The following RAPH1 variants were observed in gnomAD, a reference collection of about 807,000 sequenced individuals.
The protein encoded by RAPH1 is ras-associated and pleckstrin homology domains-containing protein 1.
In RAPH1, 18 loss-of-function variants were observed where a neutral mutation model predicts 88.1. The observed-to-expected ratio is 0.20, with a 90% CI of 0.14 to 0.30. The LOEUF is 0.30. RAPH1 is among the 10% of genes least tolerant of loss of function. RAPH1 has a pLI of 1.00. For missense variants in RAPH1, 1,448 were observed against 1,543.2 expected, an observed-to-expected ratio of 0.94 and a Z score of 1.03; for synonymous variants, 587 against 559.0, an observed-to-expected ratio of 1.05 and a Z score of -0.71.
intron 1 of RAPH1, among the ~76,000 whole-genome samples, chr2:203,516,129 T>G (rs546062755): frequency 6.6e-6 from 1 of 152,272 alleles, no homozygotes; most frequent in African/African-American, 2.4e-5. Flanking sequence ...AGAGAGGAAT[T>G]CATATTTTGT....
At chr2:203,445,289 C>CA (rs2153635395) in intron 12 of RAPH1, 1 of 311,900 alleles carries the variant, frequency 3.2e-6, no homozygotes, top group South Asian at 8.8e-5. Context: ...TCCTGACACC[C>CA]AGTCTTGCAT....
intron 1 of RAPH1, among the ~76,000 whole-genome samples, chr2:203,533,869 T>C (rs556266193): frequency 6.6e-6 from 1 of 152,068 alleles, no homozygotes; most frequent in East Asian, 1.9e-4. Context: ...TCTGGGGAGG[T>C]AAACAGGTGG....
At position 203,434,697 on chromosome 2, in the gene RAPH1, A is replaced by G. The variant is rs954395491; in HGVS notation, c.*4740T>C. The G allele has an allele frequency of 6.6e-6, 1 of 152,432 alleles. No homozygotes were observed. Among genetic ancestry groups the G allele is most frequent in the Admixed American group, 6.5e-5 (1 of 15,278 alleles). 9.4% of individuals were successfully genotyped at this position (152,432 alleles called of 1,614,324 possible). A position where few individuals can be genotyped will look rare whatever the true frequency, so the allele number is the denominator to read the frequency against. On this transcript the variant is annotated 3_prime_UTR_variant, in exon 14 of 14. Coordinates refer to ENST00000319170, the MANE Select transcript of RAPH1 (RefSeq NM_213589.3). Reference sequence around the variant, plus strand: ...GGTTTCTCCCCCTTTAGTGCTGCAGACAAGTTTTACTGCCTAAGACGTTGA... The same window carrying G: ...GGTTTCTCCCCCTTTAGTGCTGCAGGCAAGTTTTACTGCCTAAGACGTTGA...
At chr2:203,501,175 A>G (rs953575519) in intron 1 of RAPH1, among the ~76,000 whole-genome samples, 1 of 152,206 alleles carries the variant, frequency 6.6e-6, no homozygotes, top group African/African-American at 2.4e-5. Flanking sequence ...TAAATTTAGT[A>G]AGGCACAAAA....
At chr2:203,472,127 C>CT (rs531692694) in intron 4 of RAPH1, among the ~76,000 whole-genome samples, 3,749 of 140,364 alleles carry the variant, frequency 0.027, 80 homozygotes, top group African/African-American at 0.06. Flanking sequence ...TTCTTTAGTT[C>CT]TTTTTTTTTT....
intron 1 of RAPH1, among the ~76,000 whole-genome samples, chr2:203,515,075 C>T (rs1453878205): frequency 6.6e-6 from 1 of 152,096 alleles, no homozygotes; most frequent in Non-Finnish European, 1.5e-5. Flanking sequence ...CCTAGGGGTA[C>T]AATACTCCAG....
rs2098500869 is a variant in RAPH1 at position 203,439,202 on chromosome 2, GA to G, written c.*234del. On this transcript the variant is annotated 3_prime_UTR_variant, in exon 14 of 14. Coordinates refer to ENST00000319170, the MANE Select transcript of RAPH1 (RefSeq NM_213589.3). ...GATTAGGAGAGAAAAGGAATAAATA[GA>G]ATAACTCTCAGCTCTCTCTCTATAT... 2.3e-6 allele frequency: 1 copy of G among 438,986 alleles called. No homozygotes were observed. Among genetic ancestry groups the G allele is most frequent in the Non-Finnish European group, 4.1e-6 (1 of 245,488 alleles). The allele number at this position is 438,986 out of a possible 1,614,324, so 27.2% of individuals were successfully genotyped here. A position where few individuals can be genotyped will look rare whatever the true frequency, so the allele number is the denominator to read the frequency against.
rs1485654160 is a variant in RAPH1 at position 203,436,371 on chromosome 2, C to A, written c.*3066G>T. 1.3e-5 allele frequency: 2 copies of A among 152,090 alleles called. No homozygotes were observed. Among genetic ancestry groups the A allele is most frequent in the Non-Finnish European group, 2.9e-5 (2 of 68,022 alleles). The allele number at this position is 152,090 out of a possible 1,614,324, so 9.4% of individuals were successfully genotyped here. On this transcript the variant is annotated 3_prime_UTR_variant, in exon 14 of 14. Transcript: ENST00000319170. ...TCTGTAAAAACCTTAAGAATAGTTACTCTTCCCAAGAGAATTACAGCGTCT... is the reference window on the plus strand; with the variant it reads ...TCTGTAAAAACCTTAAGAATAGTTAATCTTCCCAAGAGAATTACAGCGTCT...
chr2:203,529,005 A>ATTTTTTTTTTTTTTTT (rs66832810), intron 1 of RAPH1, among the ~76,000 whole-genome samples: 1 of 41,154 alleles, frequency 2.4e-5, no homozygotes, highest in African/African-American at 1.2e-4. Flanking sequence ...ATATATATAT[A>ATTTTTTTTTTTTTTTT]TTTTTTTTTT....
rs1029100304 is a variant in RAPH1 at position 203,495,425 on chromosome 2, C to T, written c.1-72G>A. 3.5e-6 allele frequency: 5 copies of T among 1,448,806 alleles called. No individual in the cohort carries two copies. In the African/African-American group the frequency reaches 7.0e-5, roughly 20 times the overall value. The allele number at this position is 1,448,806 out of a possible 1,614,324, so 89.7% of individuals were successfully genotyped here. On this transcript the variant is annotated intron_variant, in intron 1 of 13. Transcript: ENST00000319170. The stretch of plus-strand genomic sequence containing the variant: ...AACTTGAAAAATTATGCCATATATG[C>T]TCTGATATATATTATATGCCTCTGA...
chr2:203,531,204 C>T (rs1008894407), intron 1 of RAPH1, among the ~76,000 whole-genome samples: 1 of 149,738 alleles, frequency 6.7e-6, no homozygotes, highest in Admixed American at 6.7e-5. Flanking sequence ...AAAGCACAGA[C>T]AGAAGAAAAA....
intron 4 of RAPH1, among the ~76,000 whole-genome samples, chr2:203,466,531 A>G (rs1467443636): frequency 6.6e-6 from 1 of 152,194 alleles, no homozygotes; most frequent in Non-Finnish European, 1.5e-5. Context: ...GCAAATCTAC[A>G]TTCAATGTTT....
chr2:203,456,527 A>C (rs897575983), intron 8 of RAPH1, among the ~76,000 whole-genome samples: 1 of 152,228 alleles, frequency 6.6e-6, no homozygotes, highest in Non-Finnish European at 1.5e-5. Flanking sequence ...TAAAAATCTA[A>C]TATTAAAGAA....
chr2:203,453,236 C>CA (rs2153638347), intron 10 of RAPH1, among the ~76,000 whole-genome samples: 1 of 152,138 alleles, frequency 6.6e-6, no homozygotes, highest in South Asian at 2.1e-4. Context: ...CCCAAAAACA[C>CA]AATTATGTAA....
intron 9 of RAPH1, among the ~76,000 whole-genome samples, 171 bp from the exon 10 acceptor site, chr2:203,454,711 C>T (rs1483572193): frequency 6.6e-6 from 1 of 152,146 alleles, no homozygotes; most frequent in African/African-American, 2.4e-5. Context: ...CTTCTTTAAT[C>T]ATTAACGTAA....
At chr2:203,461,812 A>C in intron 5 of RAPH1, 36 bp downstream of exon 5, 2 of 1,529,096 alleles carry the variant, frequency 1.3e-6, no homozygotes, top group Non-Finnish European at 1.8e-6. Context: ...AAAACTGATA[A>C]AAAAATCCCA....
Position 203,441,366 on chromosome 2 carries a change from A to G in RAPH1, c.1824T>C (p.Pro608=), listed in dbSNP as rs1390997701. ...TGACTATCTTAGGTTGCGGGGATAA[A>G]GGGGGCACAAGTGAAGTGTAGGGCC... ...MNRPYTSLVP[P]LSPQPKIVTP... is the part of the protein sequence containing the mutation. Residue 608 remains proline, a synonymous_variant, in exon 14 of 14, where the codon CCT becomes CCC. Coordinates refer to ENST00000319170, the MANE Select transcript of RAPH1 (RefSeq NM_213589.3). 2 of 1,574,992 alleles carry G rather than the reference A, an allele frequency of 1.3e-6. No homozygotes were observed. Among genetic ancestry groups the G allele is most frequent in the East Asian group, 2.2e-5 (1 of 44,658 alleles).
intron 1 of RAPH1, among the ~76,000 whole-genome samples, chr2:203,502,198 A>T (rs962101373): frequency 2.6e-5 from 4 of 152,210 alleles, no homozygotes; most frequent in Non-Finnish European, 5.9e-5. Context: ...TGACACCTGG[A>T]ACTCAGTTTT....
In RAPH1 at chr2:203,506,868, A is replaced by C. The variant is rs1169894687; in HGVS notation, c.1-11515T>G. Among the ~76,000 whole-genome samples, 728 of 89,372 alleles carry C rather than the reference A, an allele frequency of 8.1e-3. 43 individuals are homozygous for C. The highest frequency in any genetic ancestry group is 0.012 in the Non-Finnish European group (589 of 48,576). The allele number at this position is 89,372 out of a possible 152,430, so 58.6% of individuals were successfully genotyped here. On this transcript the variant is annotated intron_variant, in intron 1 of 13. Coordinates refer to ENST00000319170, the MANE Select transcript of RAPH1 (RefSeq NM_213589.3). ...TATCTATCTATATCTATATATATAT[A>C]TATATATATATAGATATATATATAT... is the stretch of plus-strand genomic sequence containing the variant.
Sources: allele counts gnomAD v4.1 joint callset (sites outside exome capture counted in the v4.1 genomes callset), GRCh38; gene constraint gnomAD v4.1.1; transcripts MANE v1.5; gene names NCBI Gene and HGNC (gene_info 2026-07-23, HGNC 2026-07-21).